The following NFKBIB variants were observed in gnomAD, a reference collection of about 807,000 sequenced individuals.
The protein encoded by NFKBIB is NFKB inhibitor beta.
Under a neutral mutation model 32.1 loss-of-function variants are expected in NFKBIB, and 16 were observed. The ratio of observed to expected loss-of-function variants is 0.50; its 90% CI spans 0.34 to 0.76. The LOEUF (loss-of-function observed/expected upper bound fraction) is 0.76. Ranked by LOEUF, NFKBIB falls within the 30% of genes least tolerant of loss-of-function variation. The pLI is 0.01. For missense variants in NFKBIB, 437 were observed against 514.9 expected, an observed-to-expected ratio of 0.85 and a Z score of 1.46; for synonymous variants, 222 against 219.5, an observed-to-expected ratio of 1.01 and a Z score of -0.10.
Position 38,907,524 on chromosome 19 carries a change from C to G in NFKBIB, c.834C>G (p.Leu278=). ...AARMYGGRTP[L]GSAMLRPNPI... ...GCATGTACGGTGGCCGCACCCCACT[C>G]GGCAGTGCCATGCTCCGGCCCAACC... Residue 278 remains leucine (L), a synonymous_variant, in exon 5 of 6, where the codon CTC becomes CTG. Coordinates refer to ENST00000313582, the MANE Select transcript of NFKBIB (RefSeq NM_002503.5). The G allele has an allele frequency of 1.2e-6, 2 of 1,612,664 alleles. No individual in the cohort carries two copies. The highest frequency in any genetic ancestry group is 1.7e-6 in the Non-Finnish European group (2 of 1,179,790).
Position 38,901,065 on chromosome 19 carries a change from A to C in NFKBIB, c.179+854A>C, listed in dbSNP as rs1194902253. On this transcript the variant is annotated intron_variant, in intron 1 of 5. Transcript: ENST00000313582. ...TGAGGCAATAGATAAACAAGATAAG[A>C]GCATTTCAAGGAGAAGGAACTGCAG... 2.0e-5 allele frequency among the ~76,000 whole-genome samples: 3 copies of C among 152,174 alleles called. No individual in the cohort carries two copies. The East Asian group carries it at 5.8e-4, about 29-fold the overall frequency.
At position 38,907,651 on chromosome 19, in the gene NFKBIB, G is replaced by A. The variant is rs1974183485; in HGVS notation, c.961G>A (p.Asp321Asn). 2 of 1,603,808 alleles carry A rather than the reference G, an allele frequency of 1.2e-6. No individual in the cohort carries two copies. Among genetic ancestry groups the A allele is most frequent in the African/African-American group, 1.3e-5 (1 of 74,744 alleles). Residue 321 changes from aspartate to asparagine, a missense_variant, in exon 5 of 6, where the codon GAC becomes AAC. Physicochemically the swap from Asp to Asn is conservative, Grantham distance 23 (BLOSUM62 1). Coordinates refer to ENST00000313582, the MANE Select transcript of NFKBIB (RefSeq NM_002503.5). ...CSSSSDSDSG[D>N]EGDEYDDIVV... is the part of the protein sequence containing the mutation. Reference sequence around the variant, plus strand: ...CAGCAGTAGCGACAGCGACAGCGGAGACGAGGGCGTGAGTCAGGAGGAGAG... The same window carrying A: ...CAGCAGTAGCGACAGCGACAGCGGAAACGAGGGCGTGAGTCAGGAGGAGAG...
intron 3 of NFKBIB, among the ~76,000 whole-genome samples, chr19:38,906,761 G>C (rs1283055817): frequency 6.6e-6 from 1 of 152,162 alleles, no homozygotes; most frequent in Non-Finnish European, 1.5e-5. Flanking sequence ...GAGCCACTGT[G>C]CCTGGCCTTT....
rs995131602 is a variant in NFKBIB, at chr19:38,905,692, C to T, written c.619+157C>T. Among the ~76,000 whole-genome samples the T allele has an allele frequency of 2.0e-5, 3 of 152,114 alleles. No homozygotes were observed. The highest frequency in any genetic ancestry group is 4.4e-5 in the Non-Finnish European group (3 of 68,012). On this transcript the variant is annotated intron_variant, in intron 3 of 5. Transcript: ENST00000313582. This position sits in a 1 kb window ranked among gnomAD's most constrained non-coding sequence, Gnocchi z 5.5. ...GGACCAGGGACCTCCACTCAGGGCC[C>T]AGATGATTGAGAATTGGATATGTAG...
At chr19:38,899,667 C>T, upstream of NFKBIB, 1 of 1,086,718 alleles carries the variant, frequency 9.2e-7, no homozygotes, top group South Asian at 1.3e-5. Context: ...TGATAGGGCA[C>T]AGAACTACAA....
chr19:38,907,788 G>A, intron 5 of NFKBIB, 129 bp downstream of exon 5: 1 of 1,451,272 alleles, frequency 6.9e-7, no homozygotes, highest in Non-Finnish European at 9.1e-7. Context: ...CAGCGCCAGT[G>A]ACACGGGGCA....
intron 1 of NFKBIB, among the ~76,000 whole-genome samples, chr19:38,904,547 C>T (rs1764966077): frequency 6.6e-6 from 1 of 152,150 alleles, no homozygotes; most frequent in Non-Finnish European, 1.5e-5. Flanking sequence ...ATATCCATCT[C>T]CTGACCTCAG....
At chr19:38,907,931 C>T (rs1424176325) in intron 5 of NFKBIB, 1 of 1,297,418 alleles carries the variant, frequency 7.7e-7, no homozygotes, top group African/African-American at 1.5e-5. Flanking sequence ...TTGGTGAACA[C>T]AGCGGGGGTG....
At chr19:38,908,271 T>G in intron 5 of NFKBIB, 2 of 992,314 alleles carry the variant, frequency 2.0e-6, no homozygotes, top group Non-Finnish European at 2.4e-6. Flanking sequence ...CCAGGTGCGG[T>G]GGCTCACGCC....
chr19:38,899,925 A>C (rs1262691168), upstream of NFKBIB: 2 of 1,164,646 alleles, frequency 1.7e-6, no homozygotes, highest in Non-Finnish European at 1.2e-6. Flanking sequence ...CATTGGGTGA[A>C]TCAGGGGGCG....
rs1444689459 is a variant in NFKBIB at position 38,902,076 on chromosome 19, A to ATTTTTTTTT, written c.179+1869_179+1870insTTTTTTTTT. Among the ~76,000 whole-genome samples, 12 of 64,060 alleles carry ATTTTTTTTT rather than the reference A, an allele frequency of 1.9e-4. 1 individual carries two copies. The highest frequency in any genetic ancestry group is 3.6e-4 in the Non-Finnish European group (11 of 30,848). The allele number at this position is 64,060 out of a possible 152,430, so 42.0% of individuals were successfully genotyped here. On this transcript the variant is annotated intron_variant, in intron 1 of 5. Coordinates refer to ENST00000313582, the MANE Select transcript of NFKBIB (RefSeq NM_002503.5). ...CTGCTCCTTCTGTATAGTGTTTTTC[A>ATTTTTTTTT]TTTTATTTCTTTTTTTTTTTTTGAG...
At chr19:38,899,788 T>C (rs1265907143), upstream of NFKBIB, 4 of 674,050 alleles carry the variant, frequency 5.9e-6, no homozygotes, top group Admixed American at 5.4e-5. Flanking sequence ...AGGCGTGGCG[T>C]CAGCAGCCAT....
In NFKBIB at chr19:38,907,674, G is replaced by A; in HGVS notation, c.969+15G>A. 6.3e-7 allele frequency: 1 copy of A among 1,588,706 alleles called. No homozygotes were observed. The highest frequency in any genetic ancestry group is 8.6e-7 in the Non-Finnish European group (1 of 1,166,664). On this transcript the variant is annotated intron_variant, in intron 5 of 5. Coordinates refer to ENST00000313582, the MANE Select transcript of NFKBIB (RefSeq NM_002503.5). ...GAGACGAGGGCGTGAGTCAGGAGGA[G>A]AGACAGGGCAGCCCAGCTGGGGGGT...
chr19:38,902,312 C>T (rs953174812), intron 1 of NFKBIB, among the ~76,000 whole-genome samples: 9 of 151,644 alleles, frequency 5.9e-5, no homozygotes, highest in South Asian at 2.1e-4. Flanking sequence ...CCTTGTGATC[C>T]GCCCGCCTCG....
intron 1 of NFKBIB, among the ~76,000 whole-genome samples, chr19:38,902,147 C>T (rs1440105674): frequency 7.5e-6 from 1 of 134,078 alleles, no homozygotes; most frequent in African/African-American, 2.8e-5. Flanking sequence ...GTGGTGCAAT[C>T]TCGGCTCACT....
upstream of NFKBIB, chr19:38,899,966 C>T: frequency 7.0e-7 from 1 of 1,421,378 alleles, no homozygotes; most frequent in East Asian, 2.5e-5. Flanking sequence ...GGCGGAAGCT[C>T]CAGAACTCCC....
intron 1 of NFKBIB, among the ~76,000 whole-genome samples, chr19:38,902,022 G>A (rs1215188329): frequency 1.3e-5 from 2 of 148,328 alleles, no homozygotes; most frequent in Non-Finnish European, 3.0e-5. Flanking sequence ...CTTTTATTGG[G>A]TATAGTTTTT....
Position 38,906,104 on chromosome 19 carries a change from G to A in NFKBIB, c.619+569G>A, listed in dbSNP as rs75423238. Among the ~76,000 whole-genome samples the A allele has an allele frequency of 8.1e-3, 1,215 of 150,212 alleles. 20 individuals carry two copies. Among genetic ancestry groups the A allele is most frequent in the African/African-American group, 0.029 (1,158 of 40,476 alleles). On this transcript the variant is annotated intron_variant, in intron 3 of 5. Transcript: ENST00000313582. Reference sequence around the variant, plus strand: ...TTCAGGGCCTGCCTCTCGCCCCCAGGTCACAGGCTTTTCAGCTACTTGGTA... The same window carrying A: ...TTCAGGGCCTGCCTCTCGCCCCCAGATCACAGGCTTTTCAGCTACTTGGTA...
intron 1 of NFKBIB, among the ~76,000 whole-genome samples, chr19:38,901,265 T>C (rs972945173): frequency 1.3e-5 from 2 of 151,772 alleles, no homozygotes; most frequent in African/African-American, 2.4e-5. Flanking sequence ...GTTTCATTAA[T>C]TTTTTTTTAC....
Sources: gnomAD v4.1 joint callset for allele counts (sites outside exome capture counted in the v4.1 genomes callset) on GRCh38, gnomAD v4.1.1 for gene constraint, Gnocchi (gnomAD v3.1) non-coding constraint, MANE v1.5 for transcripts, NCBI Gene and HGNC (gene_info 2026-07-23, HGNC 2026-07-21) for gene names.